ZNF407: variants seen among roughly 807,000 people sequenced by gnomAD.
ZNF407 encodes zinc finger protein 407.
A neutral mutation model predicts 131.2 loss-of-function variants in ZNF407; 17 were observed. The ratio of observed to expected loss-of-function variants is 0.13; its 90% CI spans 0.09 to 0.19. The LOEUF (loss-of-function observed/expected upper bound fraction) is 0.19. Among genes scored for constraint, ZNF407 ranks in the 10% least tolerant of loss-of-function variants. The probability of loss-of-function intolerance (pLI) is 1.00; values close to 1 mark genes in which losing one functional copy is unlikely to be tolerated. For synonymous variants in ZNF407, 1,156 were observed against 1,062.0 expected (o/e 1.09, Z -1.72); for missense variants, 2,681 against 2,830.6 (o/e 0.95, Z 1.20).
chr18:74,625,469 G>A (rs1470040199), intron 1 of ZNF407, among the ~76,000 whole-genome samples: 4 of 152,182 alleles, frequency 2.6e-5, no homozygotes, highest in African/African-American at 4.8e-5. Flanking sequence ...AGGGACAGTC[G>A]TGCACTGCAG....
At chr18:74,931,877 C>CTT (rs1170316654) in intron 8 of ZNF407, among the ~76,000 whole-genome samples, 8 of 152,016 alleles carry the variant, frequency 5.3e-5, no homozygotes, top group Admixed American at 1.3e-4. Flanking sequence ...ATATTTTTCC[C>CTT]CTTTTTTCAT....
chr18:74,723,174 T>C (rs1182233101), intron 3 of ZNF407, among the ~76,000 whole-genome samples: 1 of 152,196 alleles, frequency 6.6e-6, no homozygotes, highest in Non-Finnish European at 1.5e-5. Context: ...ATATACTTTT[T>C]TTCTTATTTG....
At chr18:74,666,966 C>T (rs1389797000) in intron 3 of ZNF407, among the ~76,000 whole-genome samples, 1 of 152,150 alleles carries the variant, frequency 6.6e-6, no homozygotes, top group Admixed American at 6.5e-5. Context: ...CAGTTGTCCG[C>T]CCCGCCTTCA....
chr18:74,663,893 T>C (rs562211591), intron 3 of ZNF407, among the ~76,000 whole-genome samples: 3 of 152,312 alleles, frequency 2.0e-5, no homozygotes, highest in Admixed American at 6.5e-5. Flanking sequence ...ATGACCAAAC[T>C]ACGGCCTGGA....
At chr18:74,881,834 C>A (rs186919414) in intron 6 of ZNF407, among the ~76,000 whole-genome samples, 1 of 152,078 alleles carries the variant, frequency 6.6e-6, no homozygotes, top group Non-Finnish European at 1.5e-5. Flanking sequence ...AACACATACC[C>A]GAGACTGGGC....
chr18:74,660,572 T>G (rs1985670952), intron 3 of ZNF407, among the ~76,000 whole-genome samples: 1 of 152,160 alleles, frequency 6.6e-6, no homozygotes, highest in African/African-American at 2.4e-5. Flanking sequence ...TTCTAGAAAC[T>G]ACACGTTAGC....
chr18:74,647,103 C>T (rs1321074411), intron 3 of ZNF407, among the ~76,000 whole-genome samples: 1 of 151,646 alleles, frequency 6.6e-6, no homozygotes, highest in East Asian at 1.9e-4. Context: ...CTCGTTGCTT[C>T]TTCTTCTTCT....
At chr18:74,959,968 T>G (rs983267817) in intron 8 of ZNF407, among the ~76,000 whole-genome samples, 1 of 152,212 alleles carries the variant, frequency 6.6e-6, no homozygotes, top group African/African-American at 2.4e-5. Context: ...CTATGCTTAG[T>G]GTGCATTTGT....
At chr18:74,967,801 T>C (rs1972426070) in intron 8 of ZNF407, among the ~76,000 whole-genome samples, 1 of 152,232 alleles carries the variant, frequency 6.6e-6, no homozygotes, top group South Asian at 2.1e-4. Context: ...GCGTGCTGTT[T>C]CTTAAAATTG....
chr18:74,940,546 T>G (rs559844460), intron 8 of ZNF407, among the ~76,000 whole-genome samples: 25 of 152,238 alleles, frequency 1.6e-4, no homozygotes, highest in Non-Finnish European at 2.5e-4. Context: ...AAAGGTATGT[T>G]GAGGATTTTG....
At chr18:74,700,537 C>A (rs1421284234) in intron 3 of ZNF407, among the ~76,000 whole-genome samples, 1 of 152,186 alleles carries the variant, frequency 6.6e-6, no homozygotes, top group African/African-American at 2.4e-5. Flanking sequence ...TAGTCTTCTC[C>A]TCAGTTCTCT....
Position 74,982,227 on chromosome 18 carries a change from G to A in ZNF407, c.5428+61535G>A, listed in dbSNP as rs182711705. Among the ~76,000 whole-genome samples the A allele has an allele frequency of 2.0e-4, 31 of 152,206 alleles. No homozygotes were observed. The East Asian group carries it at 5.2e-3, about 26-fold the overall frequency. ...ATGTGTCTTTAAAGGTTTGGAAATT[G>A]CCTGCCTTTATGATGTGTTAACCTT... is the stretch of plus-strand genomic sequence containing the variant. On this transcript the variant is annotated intron_variant, in intron 8 of 8. Transcript: ENST00000299687.
At chr18:74,829,190 A>G (rs565216279) in intron 4 of ZNF407, among the ~76,000 whole-genome samples, 21 of 152,346 alleles carry the variant, frequency 1.4e-4, no homozygotes, top group Admixed American at 3.9e-4. Flanking sequence ...AAGGAAATAG[A>G]GATGGTCTTT....
At chr18:74,772,738 T>C (rs1969386833) in intron 3 of ZNF407, among the ~76,000 whole-genome samples, 1 of 152,256 alleles carries the variant, frequency 6.6e-6, no homozygotes, top group South Asian at 2.1e-4. Flanking sequence ...TATAACAGGT[T>C]TTTGAGCTGA....
intron 3 of ZNF407, among the ~76,000 whole-genome samples, chr18:74,778,521 T>C (rs1599145975): frequency 6.6e-6 from 1 of 152,208 alleles, no homozygotes; most frequent in South Asian, 2.1e-4. Context: ...TGTCTCTCAC[T>C]AGGTTGTACA....
At position 75,017,005 on chromosome 18, in the gene ZNF407, G is replaced by A. The variant is rs573400163; in HGVS notation, c.5429-46145G>A. 9.9e-5 allele frequency among the ~76,000 whole-genome samples: 15 copies of A among 152,192 alleles called. No homozygotes were observed. In the South Asian group the frequency reaches 1.4e-3, roughly 15 times the overall value. On this transcript the variant is annotated intron_variant, in intron 8 of 8. Coordinates refer to ENST00000299687, the MANE Select transcript of ZNF407 (RefSeq NM_017757.3). ...CTTCCACCATCTGAAAACAGGACTC[G>A]AGTGTAAGCTGAAATATGTAAAACT...
At chr18:74,611,709 A>G (rs528887521) in intron 1 of ZNF407, among the ~76,000 whole-genome samples, 12 of 152,154 alleles carry the variant, frequency 7.9e-5, no homozygotes, top group Non-Finnish European at 1.5e-4. Flanking sequence ...TTGACCCAGT[A>G]ATTCCACTCA....
chr18:74,630,041 T>C (rs957596833), intron 1 of ZNF407, among the ~76,000 whole-genome samples: 2 of 152,192 alleles, frequency 1.3e-5, no homozygotes, highest in African/African-American at 4.8e-5. Context: ...TGGCTTTTCA[T>C]TGGTAAAAGA....
chr18:74,780,952 A>G (rs2145027115), intron 3 of ZNF407, among the ~76,000 whole-genome samples: 1 of 152,250 alleles, frequency 6.6e-6, no homozygotes, highest in Middle Eastern at 3.4e-3. Context: ...CATTTGTATT[A>G]TTTTTAAAAA....
Sources: gnomAD v4.1 joint callset for allele counts (sites outside exome capture counted in the v4.1 genomes callset) on GRCh38, gnomAD v4.1.1 for gene constraint, MANE v1.5 for transcripts, NCBI Gene and HGNC (gene_info 2026-07-23, HGNC 2026-07-21) for gene names.